ANGPT1: variants seen among roughly 807,000 people sequenced by gnomAD.
ANGPT1 encodes angiopoietin-1.
ANGPT1 carries 17 observed loss-of-function variants against 62.2 expected under a neutral mutation model. The ratio of observed to expected loss-of-function variants is 0.27; its 90% CI spans 0.19 to 0.41. The LOEUF (loss-of-function observed/expected upper bound fraction) is 0.41, where lower values mean the gene tolerates loss of function less well. ANGPT1 is among the 10% of genes least tolerant of loss of function. The probability of loss-of-function intolerance (pLI) is 1.00; values close to 1 mark genes in which losing one functional copy is unlikely to be tolerated. For synonymous variants in ANGPT1, 199 were observed against 198.9 expected (o/e 1.00, Z 0.00); for missense variants, 478 against 594.9 (o/e 0.80, Z 2.04).
chr8:107,479,568 C>T (rs913064447), intron 1 of ANGPT1, among the ~76,000 whole-genome samples: 3 of 152,160 alleles, frequency 2.0e-5, no homozygotes, highest in Non-Finnish European at 2.9e-5. Context: ...ACTCATTTTA[C>T]GTTTGAGAGA....
At chr8:107,257,784 G>T (rs1813391676) in intron 8 of ANGPT1, among the ~76,000 whole-genome samples, 1 of 151,942 alleles carries the variant, frequency 6.6e-6, no homozygotes, top group African/African-American at 2.4e-5. Flanking sequence ...CAGCTGCATG[G>T]GTCTTGCATG....
At chr8:107,280,657 A>G (rs1813982595) in intron 7 of ANGPT1, among the ~76,000 whole-genome samples, 1 of 152,212 alleles carries the variant, frequency 6.6e-6, no homozygotes, top group African/African-American at 2.4e-5. Flanking sequence ...ACCAGAACAT[A>G]ACCGTTAATG....
intron 2 of ANGPT1, among the ~76,000 whole-genome samples, chr8:107,346,677 G>A (rs1265242761): frequency 6.6e-6 from 1 of 152,112 alleles, no homozygotes; most frequent in Non-Finnish European, 1.5e-5. Context: ...GTTGGTAGCT[G>A]CAGTGCTTAT....
chr8:107,423,389 T>C (rs1270135240), intron 1 of ANGPT1, among the ~76,000 whole-genome samples: 1 of 152,178 alleles, frequency 6.6e-6, no homozygotes, highest in Admixed American at 6.5e-5. Context: ...TAAGGGGAGT[T>C]GACTTGCTCA....
At chr8:107,338,589 A>T (rs1815626080) in intron 2 of ANGPT1, among the ~76,000 whole-genome samples, 2 of 152,218 alleles carry the variant, frequency 1.3e-5, no homozygotes, top group Non-Finnish European at 2.9e-5. Context: ...ACTACTACTA[A>T]TCATATTCAT....
At chr8:107,304,815 A>C (rs3808595) in intron 4 of ANGPT1, among the ~76,000 whole-genome samples, 91,047 of 151,644 alleles carry the variant, frequency 0.6, 28,215 homozygotes, top group African/African-American at 0.77. Context: ...AGTCTGCACT[A>C]ATGGTTTTAA....
At chr8:107,341,273 G>T in intron 2 of ANGPT1, among the ~76,000 whole-genome samples, 1 of 152,168 alleles carries the variant, frequency 6.6e-6, no homozygotes, top group Non-Finnish European at 1.5e-5. Context: ...CCAGTTTACA[G>T]AAACCATAGG....
chr8:107,430,633 A>G (rs1402229348), intron 1 of ANGPT1, among the ~76,000 whole-genome samples: 1 of 152,230 alleles, frequency 6.6e-6, no homozygotes, highest in African/African-American at 2.4e-5. Flanking sequence ...AAAGTCCTTT[A>G]TAAGAGAAAA....
intron 1 of ANGPT1, among the ~76,000 whole-genome samples, chr8:107,477,627 A>G (rs901955004): frequency 6.6e-6 from 1 of 152,178 alleles, no homozygotes; most frequent in Admixed American, 6.6e-5. Context: ...TCATAACTTC[A>G]TTAATCTCTC....
chr8:107,492,167 A>G (rs1466962063), intron 1 of ANGPT1, among the ~76,000 whole-genome samples: 1 of 152,204 alleles, frequency 6.6e-6, no homozygotes, highest in Non-Finnish European at 1.5e-5. Flanking sequence ...TCAGAGGTCT[A>G]TTCTTCAAAT....
intron 3 of ANGPT1, among the ~76,000 whole-genome samples, chr8:107,330,814 G>A (rs1447478390): frequency 6.6e-6 from 1 of 152,002 alleles, no homozygotes; most frequent in African/African-American, 2.4e-5. Flanking sequence ...GAATTAAGAT[G>A]AGCCTTAGAT....
intron 1 of ANGPT1, among the ~76,000 whole-genome samples, chr8:107,455,645 A>T (rs1811900644): frequency 6.6e-6 from 1 of 152,084 alleles, no homozygotes. Context: ...TAACAAAAAA[A>T]TAGATATTTA....
chr8:107,410,129 C>T (rs1817236621), intron 1 of ANGPT1, among the ~76,000 whole-genome samples: 1 of 152,166 alleles, frequency 6.6e-6, no homozygotes, highest in African/African-American at 2.4e-5. Context: ...CACACTTGTG[C>T]AGGCCAGCCT....
rs1244373900 is a variant in ANGPT1 at position 107,328,531 on chromosome 8, A to G, written c.576-6403T>C. Among the ~76,000 whole-genome samples, 10 of 152,038 alleles carry G rather than the reference A, an allele frequency of 6.6e-5. No homozygotes were observed. The South Asian group carries it at 2.1e-3, about 31-fold the overall frequency. On this transcript the variant is annotated intron_variant, in intron 3 of 8. Transcript: ENST00000517746. ...GTTTCTATTAAAAAATAAGTTGGAC[A>G]ATAAATAATAAACTAGAGAAAATTT...
At chr8:107,258,421 G>A (rs529875721) in intron 8 of ANGPT1, among the ~76,000 whole-genome samples, 5 of 152,228 alleles carry the variant, frequency 3.3e-5, no homozygotes, top group East Asian at 3.9e-4. Flanking sequence ...TAATATAAAC[G>A]TATCCATTAG....
chr8:107,482,727 C>A (rs1443345396), intron 1 of ANGPT1, among the ~76,000 whole-genome samples: 3 of 152,124 alleles, frequency 2.0e-5, no homozygotes, highest in Non-Finnish European at 4.4e-5. Flanking sequence ...AACTGTATGT[C>A]TTTACATAGC....
At chr8:107,334,636 C>T (rs1402775544) in intron 3 of ANGPT1, among the ~76,000 whole-genome samples, 2 of 152,064 alleles carry the variant, frequency 1.3e-5, no homozygotes, top group African/African-American at 4.8e-5. Flanking sequence ...TTTACTTATC[C>T]ATGATTCCTG....
At chr8:107,432,302 T>C (rs1267668262) in intron 1 of ANGPT1, among the ~76,000 whole-genome samples, 1 of 152,174 alleles carries the variant, frequency 6.6e-6, no homozygotes, top group Non-Finnish European at 1.5e-5. Flanking sequence ...GGTAAGACAA[T>C]AGGATTTACT....
chr8:107,464,989 A>G (rs888357592), intron 1 of ANGPT1, among the ~76,000 whole-genome samples: 2 of 152,090 alleles, frequency 1.3e-5, no homozygotes, highest in Non-Finnish European at 2.9e-5. Flanking sequence ...TAAAATAATT[A>G]AGAGAAGTGG....
Sources: gnomAD v4.1 joint callset for allele counts (sites outside exome capture counted in the v4.1 genomes callset) on GRCh38, gnomAD v4.1.1 for gene constraint, MANE v1.5 for transcripts, NCBI Gene and HGNC (gene_info 2026-07-23, HGNC 2026-07-21) for gene names.